OR51B5: variants seen among roughly 807,000 people sequenced by gnomAD.
OR51B5 encodes olfactory receptor family 51 subfamily B member 5, also known as olfactory receptor 51B5.
For missense variants in OR51B5, 456 were observed against 374.6 expected (o/e 1.22, Z -1.79); for synonymous variants, 186 against 144.8 (o/e 1.28, Z -2.04).
intron 1 of OR51B5, among the ~76,000 whole-genome samples, chr11:5,398,007 C>T (rs2133737718): frequency 6.6e-6 from 1 of 152,106 alleles, no homozygotes; most frequent in East Asian, 1.9e-4. Flanking sequence ...ACAATGAGAA[C>T]ACATGGACAC....
At chr11:5,429,112 C>CA (rs1452617256) in intron 1 of OR51B5, among the ~76,000 whole-genome samples, 1 of 152,152 alleles carries the variant, frequency 6.6e-6, no homozygotes, top group Non-Finnish European at 1.5e-5. Context: ...GAGCCAGACT[C>CA]AGCACATGAC....
At chr11:5,477,848 C>A (rs1166822981) in intron 1 of OR51B5, among the ~76,000 whole-genome samples, 1 of 152,202 alleles carries the variant, frequency 6.6e-6, no homozygotes, top group Non-Finnish European at 1.5e-5. Flanking sequence ...CCGCACCTGG[C>A]TCGGAGGGTC....
At chr11:5,407,094 C>G (rs753731702) in intron 1 of OR51B5, among the ~76,000 whole-genome samples, 19 of 152,006 alleles carry the variant, frequency 1.2e-4, no homozygotes, top group Admixed American at 6.5e-5. Flanking sequence ...TATGTACTAC[C>G]CATTTTTTAA....
At chr11:5,404,511 A>C (rs536937653) in intron 1 of OR51B5, among the ~76,000 whole-genome samples, 10 of 152,312 alleles carry the variant, frequency 6.6e-5, no homozygotes, top group Non-Finnish European at 1.3e-4. Flanking sequence ...TGGACCAATC[A>C]GCACTCTGTA....
rs576430042 is a variant in OR51B5 at position 5,423,998 on chromosome 11, C to G, written n.85-77088G>C. Among the ~76,000 whole-genome samples the G allele has an allele frequency of 4.9e-4, 74 of 152,140 alleles. 3 individuals carry two copies. The South Asian group carries it at 0.014, about 29-fold the overall frequency. On this transcript the variant is annotated intron_variant and non_coding_transcript_variant, in intron 1 of 4. Coordinates refer to the OR51B5 transcript ENST00000415970. Reference sequence around the variant, plus strand: ...TTCCTTGGGCATCATGAATTTTTCACGAGCAAATATTCTAGTACAGTGATA... The same window carrying G: ...TTCCTTGGGCATCATGAATTTTTCAGGAGCAAATATTCTAGTACAGTGATA...
chr11:5,450,463 C>T (rs146264309), intron 1 of OR51B5, among the ~76,000 whole-genome samples: 10 of 152,228 alleles, frequency 6.6e-5, no homozygotes, highest in Non-Finnish European at 1.0e-4. Flanking sequence ...GATATTTCTA[C>T]GCTTATATAG....
intron 1 of OR51B5, among the ~76,000 whole-genome samples, chr11:5,426,639 CA>C (rs34057031): frequency 0.023 from 3,569 of 151,954 alleles, 99 homozygotes; most frequent in African/African-American, 0.069. Flanking sequence ...TGTTAGGGCA[CA>C]AAAAAGCCCC....
At chr11:5,492,096 C>T (rs186457005) in intron 1 of OR51B5, among the ~76,000 whole-genome samples, 3 of 152,114 alleles carry the variant, frequency 2.0e-5, no homozygotes, top group African/African-American at 7.2e-5. Flanking sequence ...GAGGGAGACT[C>T]TCTTAATTCA....
intron 1 of OR51B5, among the ~76,000 whole-genome samples, chr11:5,456,962 T>C (rs1850969204): frequency 6.6e-6 from 1 of 152,170 alleles, no homozygotes; most frequent in South Asian, 2.1e-4. Flanking sequence ...CTGCTCCATC[T>C]TCACCTTCCA....
At chr11:5,488,815 A>T (rs767116069) in intron 1 of OR51B5, 1 of 1,613,986 alleles carries the variant, frequency 6.2e-7, no homozygotes, top group South Asian at 1.1e-5. Context: ...TTTCTGTGCC[A>T]TGTATCTTGT....
At chr11:5,396,641 T>C (rs886110577) in intron 1 of OR51B5, among the ~76,000 whole-genome samples, 2 of 152,074 alleles carry the variant, frequency 1.3e-5, no homozygotes, top group African/African-American at 2.4e-5. Context: ...AGGTAATTTA[T>C]AGATTCAATG....
chr11:5,450,768 G>T (rs1190099374), intron 1 of OR51B5, among the ~76,000 whole-genome samples: 1 of 152,196 alleles, frequency 6.6e-6, no homozygotes, highest in Non-Finnish European at 1.5e-5. Context: ...ACCTTGGTAA[G>T]AGAGAAGAGA....
chr11:5,462,886 G>A (rs1388284912), intron 1 of OR51B5, among the ~76,000 whole-genome samples: 1 of 152,214 alleles, frequency 6.6e-6, no homozygotes, highest in Non-Finnish European at 1.5e-5. Flanking sequence ...ACAGCATACA[G>A]TGTATGAAGT....
intron 1 of OR51B5, among the ~76,000 whole-genome samples, chr11:5,415,788 A>C (rs1404753272): frequency 2.0e-5 from 3 of 152,150 alleles, no homozygotes; most frequent in South Asian, 2.1e-4. Flanking sequence ...TAATCAATAG[A>C]TTACCAACTG....
intron 1 of OR51B5, among the ~76,000 whole-genome samples, chr11:5,397,100 T>C (rs1447160886): frequency 1.3e-5 from 2 of 152,020 alleles, no homozygotes; most frequent in Admixed American, 6.6e-5. Flanking sequence ...CCATAAAAAC[T>C]CTAGAAGAAA....
chr11:5,444,853 G>A (rs1031014513), intron 1 of OR51B5, among the ~76,000 whole-genome samples: 1 of 152,138 alleles, frequency 6.6e-6, no homozygotes, highest in African/African-American at 2.4e-5. Context: ...TATCCCTGAT[G>A]TAATCATCCA....
chr11:5,461,888 T>A (rs745855953), intron 1 of OR51B5, among the ~76,000 whole-genome samples: 1 of 152,220 alleles, frequency 6.6e-6, no homozygotes, highest in Non-Finnish European at 1.5e-5. Context: ...GTATCCACTC[T>A]GGATGCCTTC....
chr11:5,470,217 G>T (rs1188890569), intron 1 of OR51B5, among the ~76,000 whole-genome samples: 1 of 152,144 alleles, frequency 6.6e-6, no homozygotes, highest in African/African-American at 2.4e-5. Context: ...AAACTCATAG[G>T]CAATTCCCGT....
chr11:5,460,929 G>A (rs557155776), intron 1 of OR51B5, among the ~76,000 whole-genome samples: 59 of 152,310 alleles, frequency 3.9e-4, no homozygotes, highest in African/African-American at 1.3e-3. Context: ...CTGGCCTTTC[G>A]AGGTCAAGCA....
Sources: allele counts gnomAD v4.1 joint callset (sites outside exome capture counted in the v4.1 genomes callset), GRCh38; gene constraint gnomAD v4.1.1; transcripts MANE v1.5; gene names NCBI Gene and HGNC (gene_info 2026-07-23, HGNC 2026-07-21).